ZNF800: variants seen among roughly 807,000 people sequenced by gnomAD.
ZNF800 encodes the protein zinc finger protein 800.
In ZNF800, 13 loss-of-function variants were observed where a neutral mutation model predicts 59.5. The observed-to-expected ratio is 0.22, with a 90% confidence interval of 0.14 to 0.35. The LOEUF is 0.35. ZNF800 is among the 10% of genes least tolerant of loss of function. ZNF800 has a pLI of 1.00. For missense variants in ZNF800, 621 were observed against 783.7 expected, an observed-to-expected ratio of 0.79 and a Z score of 2.48; for synonymous variants, 266 against 265.7, an observed-to-expected ratio of 1.00 and a Z score of -0.01.
At chr7:127,362,967 A>T (rs1361922315) in intron 1 of ZNF800, 1 of 152,130 alleles carries the variant, frequency 6.6e-6, no homozygotes, top group East Asian at 1.9e-4. Context: ...GGGAAGGGGA[A>T]GCAAACGTGA....
rs551462803 is a variant in ZNF800 at position 127,360,698 on chromosome 7, C to T, written n.224+12644G>A. 9.2e-5 allele frequency: 14 copies of T among 151,968 alleles called. 1 individual carries two copies. In the South Asian group the frequency reaches 2.5e-3, roughly 27 times the overall value. The allele number at this position is 151,968 out of a possible 1,614,324, so 9.4% of individuals were successfully genotyped here. ...ATTTATACTAACAGCAACTCAAATACTCAATTCAATCAACAACAAAGTTAA... is the reference window on the plus strand; with the variant it reads ...ATTTATACTAACAGCAACTCAAATATTCAATTCAATCAACAACAAAGTTAA... On this transcript the variant is annotated intron_variant and non_coding_transcript_variant, in intron 1 of 1. Transcript: ENST00000485577.
rs896851375 is a variant in ZNF800 at position 127,373,963 on chromosome 7, G to C, written c.1373C>G (p.Pro458Arg). The change falls in exon 5 of 6, where the codon CCT (proline) becomes CGT (arginine). Residue 458 changes from proline (P) to arginine (R), a missense_variant. Physicochemically the swap from Pro to Arg is moderately radical, Grantham distance 103 (BLOSUM62 -2). This residue lies in a region of ZNF800 where 185 missense variants were observed against 177.6 expected (regional missense o/e 1.04). Transcript: ENST00000265827. ...TGCAGCCGACGGACTAGTTGATTTA[G>C]GGCTTTCAGAGTCTTGTTTAACTTT... is the stretch of plus-strand genomic sequence containing the variant. ...KNKVKQDSES[P>R]KSTSPSAAGG... 8 of 1,613,902 alleles carry C rather than the reference G, an allele frequency of 5.0e-6. No individual in the cohort carries two copies. Among genetic ancestry groups the C allele is most frequent in the Non-Finnish European group, 6.8e-6 (8 of 1,180,002 alleles).
At chr7:127,348,101 T>G (rs1562893864) in intron 1 of ZNF800, 2 of 151,686 alleles carry the variant, frequency 1.3e-5, no homozygotes, top group African/African-American at 2.4e-5. Flanking sequence ...ATATGCGGGT[T>G]AGAAACCAAG....
chr7:127,349,263 A>T (rs1800128519), intron 1 of ZNF800, among the ~76,000 whole-genome samples: 1 of 152,248 alleles, frequency 6.6e-6, no homozygotes, highest in Non-Finnish European at 1.5e-5. Flanking sequence ...AATGAACTAG[A>T]ATCTAAGCTT....
At chr7:127,391,862 C>CT (rs1430341708) in intron 1 of ZNF800, among the ~76,000 whole-genome samples, 198 bp downstream of exon 1, 21 of 151,808 alleles carry the variant, frequency 1.4e-4, no homozygotes. Flanking sequence ...GCCGGCAGCG[C>CT]GGGCGGCTGC....
Position 127,374,797 on chromosome 7 carries a change from G to A in ZNF800, c.539C>T (p.Thr180Ile), listed in dbSNP as rs777969037. The A allele has an allele frequency of 1.2e-6, 2 of 1,613,402 alleles. No homozygotes were observed. Among genetic ancestry groups the A allele is most frequent in the East Asian group, 4.5e-5 (2 of 44,882 alleles). ...IQETSTEQSKTVPVTDTEVET... is the reference protein window; with the variant it reads ...IQETSTEQSKIVPVTDTEVET... ...CACCTCTGTATCTGTAACCGGTACT[G>A]TTTTTGACTGTTCAGTGCTAGTTTC... The change falls in exon 5 of 6, where the codon ACA becomes ATA. Residue 180 changes from threonine (T) to isoleucine (I), a missense_variant. Physicochemically the swap from Thr to Ile is moderately conservative, Grantham distance 89. Around this residue, in one of 7 missense-constraint regions of ZNF800, gnomAD observed 218 missense variants for 230.8 expected, o/e 0.94. Coordinates refer to ENST00000265827, the MANE Select transcript of ZNF800 (RefSeq NM_176814.5).
rs1467106752 is a variant in ZNF800, at chr7:127,374,329, G to C, written c.1007C>G (p.Ser336Cys). The change falls in exon 5 of 6, where the codon TCT (serine) becomes TGT (cysteine). Residue 336 changes from serine (S) to cysteine (C), a missense_variant. Ser to Cys is a moderately radical substitution (Grantham distance 112). Coordinates refer to ENST00000265827, the MANE Select transcript of ZNF800 (RefSeq NM_176814.5). ...TCGAGTCTTAAAAGATTTTTTAGGAGAAATAGAATCCAGGAACAAAGGTTG... is the reference window on the plus strand; with the variant it reads ...TCGAGTCTTAAAAGATTTTTTAGGACAAATAGAATCCAGGAACAAAGGTTG... ...PGQPLFLDSI[S>C]PKKSFKTRKQ... is the part of the protein sequence containing the mutation. The C allele has an allele frequency of 6.2e-7, 1 of 1,613,410 alleles. No individual in the cohort carries two copies. The highest frequency in any genetic ancestry group is 1.3e-5 in the African/African-American group (1 of 74,832).
chr7:127,377,120 T>A lies in ZNF800; in HGVS notation c.301+66A>T. 7.4e-7 allele frequency: 1 copy of A among 1,360,180 alleles called. No homozygotes were observed. The highest frequency in any genetic ancestry group is 1.0e-6 in the Non-Finnish European group (1 of 999,556). The allele number at this position is 1,360,180 out of a possible 1,614,324, so 84.3% of individuals were successfully genotyped here. Reference sequence around the variant, plus strand: ...TAACTAGATACAATTTTAATGCAAATGTATACTTGCAGTATAAGAATACTT... The same window carrying A: ...TAACTAGATACAATTTTAATGCAAAAGTATACTTGCAGTATAAGAATACTT... On this transcript the variant is annotated intron_variant, in intron 4 of 5. Coordinates refer to ENST00000265827, the MANE Select transcript of ZNF800 (RefSeq NM_176814.5). The surrounding 1 kb of genome is among the most constrained non-coding windows in gnomAD (Gnocchi z 4.7).
At chr7:127,350,726 T>C (rs753568612) in intron 1 of ZNF800, among the ~76,000 whole-genome samples, 26 of 152,188 alleles carry the variant, frequency 1.7e-4, no homozygotes, top group Non-Finnish European at 2.9e-4. Context: ...TGCTCCTGTT[T>C]CTTGGCAACA....
chr7:127,348,806 C>G (rs1800118901), intron 1 of ZNF800, among the ~76,000 whole-genome samples: 1 of 152,142 alleles, frequency 6.6e-6, no homozygotes, highest in African/African-American at 2.4e-5. Context: ...GAATTTTACT[C>G]CATTCTTATG....
chr7:127,359,797 C>T (rs1338552655), intron 1 of ZNF800: 3 of 151,862 alleles, frequency 2.0e-5, no homozygotes, highest in Admixed American at 1.3e-4. Flanking sequence ...TCATCCTCTG[C>T]GTACTGAAAC....
rs921470645 is a variant in ZNF800 at position 127,392,379 on chromosome 7, T to TGCC, written c.-381_-379dup. 14 of 381,014 alleles carry TGCC rather than the reference T, an allele frequency of 3.7e-5. No individual in the cohort carries two copies. The highest frequency in any genetic ancestry group is 5.6e-5 in the Non-Finnish European group (12 of 215,118). 23.6% of individuals were successfully genotyped at this position (381,014 alleles called of 1,614,324 possible). Reference sequence around the variant, plus strand: ...ACAGGAGGAACCGCCCGGCAGCAGCTGCCGCCGCCACCACCGAAGGAGCCG... The same window carrying TGCC: ...ACAGGAGGAACCGCCCGGCAGCAGCTGCCGCCGCCGCCACCACCGAAGGAGCCG... On this transcript the variant is annotated 5_prime_UTR_variant, in exon 1 of 6. Coordinates refer to ENST00000265827, the MANE Select transcript of ZNF800 (RefSeq NM_176814.5).
In ZNF800 at chr7:127,374,514, A is replaced by G. The variant is rs2117112102; in HGVS notation, c.822T>C (p.Ser274=). 1 of 1,614,112 alleles carries G rather than the reference A, an allele frequency of 6.2e-7. No individual in the cohort carries two copies. The highest frequency in any genetic ancestry group is 1.1e-5 in the South Asian group (1 of 91,082). Residue 274 remains serine, a synonymous_variant, in exon 5 of 6, where the codon TCT becomes TCC. Transcript: ENST00000265827. ...IETRKNPNQS[S]KGRSKNVLVP... ...CTAGAACATTCTTACTGCGTCCTTT[A>G]GAGGATTGGTTTGGATTCTTTCGTG... is the stretch of plus-strand genomic sequence containing the variant.
chr7:127,354,302 A>G (rs1285890529), intron 1 of ZNF800, among the ~76,000 whole-genome samples: 1 of 152,146 alleles, frequency 6.6e-6, no homozygotes, highest in African/African-American at 2.4e-5. Context: ...GAAATACTAC[A>G]TCATGTTGCA....
Position 127,371,820 on chromosome 7 carries a change from G to A in ZNF800, c.*-6C>T, listed in dbSNP as rs1303296154. ...CGTACATCACTTGAAGTTATCTGAG[G>A]AGAAATGGGAATAAATGAACACTTT... On this transcript the variant is annotated splice_polypyrimidine_tract_variant and splice_region_variant and intron_variant, in intron 5 of 5. Coordinates refer to ENST00000265827, the MANE Select transcript of ZNF800 (RefSeq NM_176814.5). 2.6e-6 allele frequency: 2 copies of A among 766,478 alleles called. No homozygotes were observed. The highest frequency in any genetic ancestry group is 4.9e-6 in the Non-Finnish European group (2 of 411,772). The allele number at this position is 766,478 out of a possible 1,614,324, so 47.5% of individuals were successfully genotyped here.
intron 1 of ZNF800, among the ~76,000 whole-genome samples, chr7:127,359,347 G>C (rs1345681256): frequency 6.6e-6 from 1 of 151,964 alleles, no homozygotes; most frequent in African/African-American, 2.4e-5. Context: ...GTAAGGTTTA[G>C]GTTATTTTTA....
At chr7:127,361,307 G>A (rs1176132877) in intron 1 of ZNF800, 1 of 152,168 alleles carries the variant, frequency 6.6e-6, no homozygotes, top group Admixed American at 6.6e-5. Flanking sequence ...GCCAGGTGTG[G>A]TGGTGCATGC....
intron 2 of ZNF800, among the ~76,000 whole-genome samples, chr7:127,388,391 T>C (rs1801205610): frequency 2.0e-5 from 3 of 152,174 alleles, no homozygotes; most frequent in Admixed American, 6.5e-5. Context: ...TTGCACATTA[T>C]AGCAACAGGT....
At chr7:127,350,308 C>T (rs146839543) in intron 1 of ZNF800, 12 of 152,258 alleles carry the variant, frequency 7.9e-5, no homozygotes, top group African/African-American at 2.9e-4. Context: ...AGGATTATGC[C>T]TCCGTTCTCT....
Sources: gnomAD v4.1 joint callset for allele counts (sites outside exome capture counted in the v4.1 genomes callset) on GRCh38, gnomAD v4.1.1 for gene constraint, gnomAD v4.1.1 regional missense constraint, Gnocchi (gnomAD v3.1) non-coding constraint, MANE v1.5 for transcripts, NCBI Gene and HGNC (gene_info 2026-07-23, HGNC 2026-07-21) for gene names.